EDEM1: variants seen among roughly 807,000 people sequenced by gnomAD.
EDEM1 encodes ER degradation-enhancing alpha-mannosidase-like protein 1.
A neutral mutation model predicts 74.4 loss-of-function variants in EDEM1; 67 were observed. The ratio of observed to expected loss-of-function variants is 0.90; its 90% confidence interval spans 0.74 to 1.10. The LOEUF is 1.10. EDEM1 is among the 50% of genes least tolerant of loss of function. EDEM1 has a pLI of 0.00. For missense variants in EDEM1, 926 were observed against 851.6 expected (o/e 1.09, Z -1.09); for synonymous variants, 382 against 335.9 (o/e 1.14, Z -1.50).
chr3:5,190,384 T>A (rs2054887189), intron 1 of EDEM1, among the ~76,000 whole-genome samples: 1 of 152,266 alleles, frequency 6.6e-6, no homozygotes, highest in African/African-American at 2.4e-5. Context: ...CACTTTCATT[T>A]GAGAATATGA....
At chr3:5,215,298 G>C (rs527690592) in intron 11 of EDEM1, among the ~76,000 whole-genome samples, 8 of 147,744 alleles carry the variant, frequency 5.4e-5, no homozygotes, top group African/African-American at 1.8e-4. Context: ...TGGTGGGGGT[G>C]GGGGGGTTTT....
At chr3:5,200,314 T>C (rs1430528248) in intron 3 of EDEM1, among the ~76,000 whole-genome samples, 2 of 152,218 alleles carry the variant, frequency 1.3e-5, no homozygotes, top group Non-Finnish European at 2.9e-5. Flanking sequence ...CTGATTTCAT[T>C]TTCTTCTTTC....
chr3:5,198,337 C>A (rs981431568), intron 2 of EDEM1, among the ~76,000 whole-genome samples: 1 of 152,192 alleles, frequency 6.6e-6, no homozygotes, highest in Non-Finnish European at 1.5e-5. Flanking sequence ...CCTGAGCCAC[C>A]GTGTCCAGCC....
chr3:5,205,126 G>T lies in EDEM1; in HGVS notation c.1102G>T (p.Gly368Trp). 2.5e-6 allele frequency: 4 copies of T among 1,614,188 alleles called. No homozygotes were observed. Among genetic ancestry groups the T allele is most frequent in the Non-Finnish European group, 3.4e-6 (4 of 1,180,022 alleles). Reference sequence around the variant, plus strand: ...TGGAAAGCAGAGTGGCCTGGGTGCCGGGCTGGACTCCTTCTATGAATACCT... The same window carrying T: ...TGGAAAGCAGAGTGGCCTGGGTGCCTGGCTGGACTCCTTCTATGAATACCT... The part of the protein sequence containing the change: ...WVGKQSGLGA[G>W]LDSFYEYLLK... Residue 368 changes from glycine to tryptophan, a missense_variant, in exon 6 of 12, where the codon GGG (glycine) becomes TGG (tryptophan). Coordinates refer to ENST00000256497, the MANE Select transcript of EDEM1 (RefSeq NM_014674.3).
At chr3:5,202,827 A>G (rs2106597522) in intron 4 of EDEM1, 139 bp from the exon 5 acceptor site, 1 of 643,378 alleles carries the variant, frequency 1.6e-6, no homozygotes, top group East Asian at 2.9e-5. Context: ...TTCACCTCAG[A>G]TGTATCTTGG....
chr3:5,199,580 C>G lies in EDEM1; in HGVS notation c.583-12C>G, dbSNP rs2055009559. 1 of 1,600,452 alleles carries G rather than the reference C, an allele frequency of 6.2e-7. No homozygotes were observed. Among genetic ancestry groups the G allele is most frequent in the African/African-American group, 1.3e-5 (1 of 74,702 alleles). On this transcript the variant is annotated splice_polypyrimidine_tract_variant and intron_variant, in intron 2 of 11. Coordinates refer to ENST00000256497, the MANE Select transcript of EDEM1 (RefSeq NM_014674.3). ...CAAGTTGCTGTAATGACCTGTGTTC[C>G]TCTTTTTAAAGATAATGGGAAATTC...
chr3:5,205,274 G>C (rs767034906), intron 6 of EDEM1, 33 bp downstream of exon 6: 3 of 1,590,230 alleles, frequency 1.9e-6, no homozygotes, highest in South Asian at 1.1e-5. Context: ...CTGTTGCCTT[G>C]TAAAGCAAAT....
intron 10 of EDEM1, among the ~76,000 whole-genome samples, 168 bp from the exon 11 acceptor site, chr3:5,213,151 C>T (rs1233807224): frequency 6.6e-6 from 1 of 152,152 alleles, no homozygotes; most frequent in African/African-American, 2.4e-5. Context: ...TGCCTTGCAG[C>T]CTGGGTTGGG....
rs2055110656 is a variant in EDEM1 at position 5,207,314 on chromosome 3, G to A, written c.1338+41G>A. 3.7e-6 allele frequency: 6 copies of A among 1,609,628 alleles called. No homozygotes were observed. The East Asian group carries it at 1.3e-4, about 36-fold the overall frequency. ...ATTTCCTAAGAATAACCAATCACCA[G>A]AAAGGGCTTCTCCCTCCTTTTCTTT... On this transcript the variant is annotated intron_variant, in intron 7 of 11. Transcript: ENST00000256497.
chr3:5,214,874 A>G (rs977613166), intron 11 of EDEM1, among the ~76,000 whole-genome samples: 11 of 152,204 alleles, frequency 7.2e-5, no homozygotes, highest in African/African-American at 2.7e-4. Context: ...AGCATGGCCT[A>G]GTGGGGAATC....
Position 5,187,976 on chromosome 3 carries a change from G to A in EDEM1, c.171G>A (p.Ser57=), listed in dbSNP as rs995487485. The A allele has an allele frequency of 6.5e-7, 1 of 1,544,332 alleles. No homozygotes were observed. The highest frequency in any genetic ancestry group is 8.7e-7 in the Non-Finnish European group (1 of 1,148,742). The stretch of plus-strand genomic sequence containing the variant: ...CCGACGGCCCCGCGTCGCCCACCTC[G>A]GGGCCCGTGGGCCGGCCTGGGGGGG... ...RSPDGPASPT[S]GPVGRPGGVS... The change falls in exon 1 of 12, where the codon TCG becomes TCA. Residue 57 remains serine, a synonymous_variant. Transcript: ENST00000256497.
chr3:5,193,175 G>C (rs1254035310), intron 1 of EDEM1, among the ~76,000 whole-genome samples: 1 of 152,124 alleles, frequency 6.6e-6, no homozygotes, highest in African/African-American at 2.4e-5. Flanking sequence ...TTACCATCTA[G>C]CTTGGATGCT....
At position 5,213,452 on chromosome 3, in the gene EDEM1, A is replaced by C. The variant is rs1328340233; in HGVS notation, c.1814A>C (p.Gln605Pro). The C allele has an allele frequency of 6.2e-7, 1 of 1,614,100 alleles. No individual in the cohort carries two copies. The highest frequency in any genetic ancestry group is 8.5e-7 in the Non-Finnish European group (1 of 1,180,046). The part of the protein sequence containing the change: ...WKEFFSEEGG[Q>P]DQGGKSVHRP... Reference sequence around the variant, plus strand: ...GAATTCTTCTCTGAAGAGGGAGGGCAGGACCAAGGGGGAAAGTCTGTGCAC... The same window carrying C: ...GAATTCTTCTCTGAAGAGGGAGGGCCGGACCAAGGGGGAAAGTCTGTGCAC... Residue 605 changes from glutamine (Q) to proline (P), a missense_variant, in exon 11 of 12, where the codon CAG becomes CCG. By Grantham distance (76) the Gln-to-Pro change is moderately conservative. Transcript: ENST00000256497.
intron 1 of EDEM1, 73 bp from the exon 2 acceptor site, chr3:5,195,136 G>C: frequency 1.2e-6 from 1 of 817,572 alleles, no homozygotes; most frequent in East Asian, 3.0e-5. Flanking sequence ...TATAGTTTCT[G>C]ATGGGTGTTT....
rs2055039775 is a variant in EDEM1 at position 5,201,915 on chromosome 3, A to C, written c.849A>C (p.Pro283=). ...PAFENTKTGI[P]YPRVNLKTGV... ...TTGAAAACACCAAGACAGGGATTCC[A>C]TATCCTCGGGTGGGTAGACTGGTTT... The change falls in exon 4 of 12, where the codon CCA becomes CCC. Residue 283 remains proline, a synonymous_variant. Coordinates refer to ENST00000256497, the MANE Select transcript of EDEM1 (RefSeq NM_014674.3). 6.2e-7 allele frequency: 1 copy of C among 1,613,626 alleles called. No individual in the cohort carries two copies. The highest frequency in any genetic ancestry group is 8.5e-7 in the Non-Finnish European group (1 of 1,179,862).
At chr3:5,188,364 C>T (rs1194969830) in intron 1 of EDEM1, 50 bp downstream of exon 1, 4 of 1,365,030 alleles carry the variant, frequency 2.9e-6, no homozygotes, top group Non-Finnish European at 2.8e-6. Context: ...CTTCCTTCCG[C>T]CCTCCGCGCC....
At position 5,210,195 on chromosome 3, in the gene EDEM1, C is replaced by T; in HGVS notation, c.1530C>T (p.Tyr510=). The change falls in exon 9 of 12, where the codon TAC becomes TAT. Residue 510 remains tyrosine, a synonymous_variant. Coordinates refer to ENST00000256497, the MANE Select transcript of EDEM1 (RefSeq NM_014674.3). ...LLYQATKNPF[Y]LHVGMDILQS... Reference sequence around the variant, plus strand: ...TCTAGGCAACCAAGAATCCCTTCTACCTCCATGTAGGAATGGATATTCTGC... The same window carrying T: ...TCTAGGCAACCAAGAATCCCTTCTATCTCCATGTAGGAATGGATATTCTGC... The T allele has an allele frequency of 1.9e-6, 3 of 1,614,206 alleles. No individual in the cohort carries two copies. The highest frequency in any genetic ancestry group is 2.5e-6 in the Non-Finnish European group (3 of 1,180,010).
chr3:5,202,240 G>A (rs1160590104), intron 4 of EDEM1, among the ~76,000 whole-genome samples: 2 of 152,202 alleles, frequency 1.3e-5, no homozygotes, highest in Non-Finnish European at 1.5e-5. Context: ...CTACAAAGCA[G>A]TGTGGGGAGT....
intron 4 of EDEM1, 42 bp from the exon 5 acceptor site, chr3:5,202,924 T>G: frequency 6.3e-7 from 1 of 1,587,092 alleles, no homozygotes; most frequent in South Asian, 1.1e-5. Context: ...CTCTGTGGAT[T>G]CCTTGAGTTT....
Sources: allele counts gnomAD v4.1 joint callset (sites outside exome capture counted in the v4.1 genomes callset), GRCh38; gene constraint gnomAD v4.1.1; transcripts MANE v1.5; gene names NCBI Gene and HGNC (gene_info 2026-07-23, HGNC 2026-07-21).